The following PLPPR1 variants were observed in gnomAD, a reference collection of about 807,000 sequenced individuals.
PLPPR1 encodes the protein phospholipid phosphatase related 1, also known as phospholipid phosphatase-related protein type 1.
Under a neutral mutation model 33.1 loss-of-function variants are expected in PLPPR1, and 10 were observed. That is an observed-to-expected ratio of 0.30 (90% CI 0.19 to 0.51). The LOEUF (loss-of-function observed/expected upper bound fraction) is 0.51. Among genes scored for constraint, PLPPR1 ranks in the 20% least tolerant of loss-of-function variants. The pLI is 0.97. For missense variants in PLPPR1, 304 were observed against 408.1 expected (o/e 0.74, Z 2.20); for synonymous variants, 151 against 151.0 (o/e 1.00, Z 0.00).
At chr9:101,269,364 C>T (rs1398321929) in intron 2 of PLPPR1, among the ~76,000 whole-genome samples, 1 of 152,174 alleles carries the variant, frequency 6.6e-6, no homozygotes, top group African/African-American at 2.4e-5. Flanking sequence ...TCCCTTAACC[C>T]ATCTAGGATT....
At chr9:101,158,115 A>G (rs1831720659) in intron 1 of PLPPR1, among the ~76,000 whole-genome samples, 1 of 152,198 alleles carries the variant, frequency 6.6e-6, no homozygotes, top group Non-Finnish European at 1.5e-5. Flanking sequence ...AGGGGCAGAA[A>G]AGTGTTAGTT....
intron 1 of PLPPR1, among the ~76,000 whole-genome samples, chr9:101,030,078 C>T (rs188158918): frequency 6.4e-4 from 97 of 152,110 alleles, no homozygotes; most frequent in African/African-American, 2.3e-3. Context: ...TTCTGAATAT[C>T]TCTTCGGCCC....
At chr9:101,143,973 A>G (rs1018521993) in intron 1 of PLPPR1, among the ~76,000 whole-genome samples, 29 of 152,216 alleles carry the variant, frequency 1.9e-4, no homozygotes, top group Non-Finnish European at 3.8e-4. Flanking sequence ...ATAAAGACAC[A>G]TGCACACGTA....
intron 1 of PLPPR1, among the ~76,000 whole-genome samples, chr9:101,158,777 T>C (rs903748640): frequency 6.6e-6 from 1 of 152,338 alleles, no homozygotes. Flanking sequence ...AATTATCCTC[T>C]GCTTCAGGAA....
chr9:101,107,945 G>C (rs926003525), intron 1 of PLPPR1, among the ~76,000 whole-genome samples: 12 of 150,788 alleles, frequency 8.0e-5, no homozygotes, highest in African/African-American at 2.7e-4. Context: ...CTTTGACTCG[G>C]AAAGGGAACT....
At chr9:101,073,320 G>A (rs1830502153) in intron 1 of PLPPR1, among the ~76,000 whole-genome samples, 1 of 152,108 alleles carries the variant, frequency 6.6e-6, no homozygotes, top group Admixed American at 6.6e-5. Context: ...TTGTTTCAAT[G>A]ACTATATAGT....
chr9:101,126,381 C>T (rs1330063318), intron 1 of PLPPR1, among the ~76,000 whole-genome samples: 1 of 152,174 alleles, frequency 6.6e-6, no homozygotes, highest in Non-Finnish European at 1.5e-5. Flanking sequence ...TGAGGGCAAG[C>T]GTCCCCTAAC....
intron 2 of PLPPR1, among the ~76,000 whole-genome samples, chr9:101,247,935 G>A (rs1038172797): frequency 2.6e-5 from 4 of 151,896 alleles, no homozygotes; most frequent in African/African-American, 4.8e-5. Flanking sequence ...TGATTCTCAG[G>A]GAATAGAGTT....
chr9:101,161,793 C>CT (rs1831777226), intron 1 of PLPPR1, among the ~76,000 whole-genome samples: 1 of 152,138 alleles, frequency 6.6e-6, no homozygotes, highest in African/African-American at 2.4e-5. Context: ...TTCTGAAACT[C>CT]TAAGCATAGG....
intron 1 of PLPPR1, among the ~76,000 whole-genome samples, chr9:101,067,153 T>C (rs1173046526): frequency 6.6e-6 from 1 of 152,076 alleles, no homozygotes; most frequent in Non-Finnish European, 1.5e-5. Context: ...TCATAAATTT[T>C]TTTCCTGCTG....
intron 1 of PLPPR1, among the ~76,000 whole-genome samples, chr9:101,181,689 C>T (rs111857440): frequency 0.22 from 31,224 of 144,644 alleles, 3,785 homozygotes; most frequent in African/African-American, 0.33. Flanking sequence ...TATACACACA[C>T]ACATACATAT....
At chr9:101,157,997 C>G (rs988567022) in intron 1 of PLPPR1, among the ~76,000 whole-genome samples, 15 of 151,910 alleles carry the variant, frequency 9.9e-5, no homozygotes, top group Admixed American at 3.9e-4. Context: ...GATGGAAACT[C>G]TGTCTCAAAA....
intron 1 of PLPPR1, among the ~76,000 whole-genome samples, chr9:101,041,159 G>A (rs144660375): frequency 3.9e-5 from 6 of 152,318 alleles, no homozygotes; most frequent in African/African-American, 1.2e-4. Context: ...ATCTCTGGTA[G>A]TTGGGGCATA....
chr9:101,118,533 C>A (rs1342585778), intron 1 of PLPPR1, among the ~76,000 whole-genome samples: 1 of 152,094 alleles, frequency 6.6e-6, no homozygotes, highest in Non-Finnish European at 1.5e-5. Flanking sequence ...TCTGGGGTTG[C>A]ACATTGGTTG....
chr9:101,207,563 C>CAGAT (rs1826614020), intron 2 of PLPPR1, among the ~76,000 whole-genome samples: 1 of 152,106 alleles, frequency 6.6e-6, no homozygotes, highest in African/African-American at 2.4e-5. Flanking sequence ...TTGGCTAGGG[C>CAGAT]AGATAGAACC....
chr9:101,314,741 G>A (rs2118962571), intron 6 of PLPPR1, among the ~76,000 whole-genome samples: 1 of 135,288 alleles, frequency 7.4e-6, no homozygotes, highest in East Asian at 2.0e-4. Flanking sequence ...TTGTCAAAAA[G>A]CTTCAATTTA....
At chr9:101,088,502 T>G (rs989984400) in intron 1 of PLPPR1, among the ~76,000 whole-genome samples, 34 of 152,158 alleles carry the variant, frequency 2.2e-4, no homozygotes, top group African/African-American at 6.5e-4. Context: ...CAAATGAAAT[T>G]GCCAGATGAA....
intron 4 of PLPPR1, among the ~76,000 whole-genome samples, chr9:101,296,749 G>A (rs1189560437): frequency 1.3e-5 from 2 of 151,750 alleles, no homozygotes; most frequent in Non-Finnish European, 2.9e-5. Flanking sequence ...TGAACAATGA[G>A]AACACATGGA....
At position 101,254,709 on chromosome 9, in the gene PLPPR1, T is replaced by G. The variant is rs908441709; in HGVS notation, c.64-15171T>G. On this transcript the variant is annotated intron_variant, in intron 2 of 7. Transcript: ENST00000374874. ...GAGGCTTAGAAAAGTATTAGACATA[T>G]AAGAGCCACTTATGTGTTTATGAAA... 2.6e-5 allele frequency among the ~76,000 whole-genome samples: 4 copies of G among 152,186 alleles called. No homozygotes were observed. In the East Asian group the frequency reaches 5.8e-4, roughly 22 times the overall value.
Sources: allele counts gnomAD v4.1 joint callset (sites outside exome capture counted in the v4.1 genomes callset), GRCh38; gene constraint gnomAD v4.1.1; transcripts MANE v1.5; gene names NCBI Gene and HGNC (gene_info 2026-07-23, HGNC 2026-07-21).